The following ZNF609 variants were observed in gnomAD, a reference collection of about 807,000 sequenced individuals.
ZNF609 encodes the protein zinc finger protein 609.
ZNF609 carries 11 observed loss-of-function variants against 109.5 expected under a neutral mutation model. The observed-to-expected ratio is 0.10, with a 90% CI of 0.06 to 0.17. The LOEUF (loss-of-function observed/expected upper bound fraction) is 0.17. Ranked by LOEUF, ZNF609 falls within the 10% of genes least tolerant of loss-of-function variation. The pLI, the probability that ZNF609 is intolerant of heterozygous loss-of-function variation, is 1.00. For missense variants in ZNF609, 1,559 were observed against 1,772.4 expected, an observed-to-expected ratio of 0.88 and a Z score of 2.16; for synonymous variants, 646 against 662.0, an observed-to-expected ratio of 0.98 and a Z score of 0.37.
At position 64,546,648 on chromosome 15, in the gene ZNF609, T is replaced by A. The variant is rs182165636; in HGVS notation, c.747+46482T>A. Among the ~76,000 whole-genome samples the A allele has an allele frequency of 2.4e-3, 362 of 151,820 alleles. 1 individual carries two copies. Among genetic ancestry groups the A allele is most frequent in the African/African-American group, 8.4e-3 (346 of 41,402 alleles). ...CCACTATGCCCAGCTAATTTTTAAA[T>A]TTTTTTGTAGTGATGGGGTCTTCCT... is the stretch of plus-strand genomic sequence containing the variant. On this transcript the variant is annotated intron_variant, in intron 2 of 9. Coordinates refer to ENST00000326648, the MANE Select transcript of ZNF609 (RefSeq NM_015042.2).
intron 2 of ZNF609, among the ~76,000 whole-genome samples, chr15:64,527,269 CGTT>C (rs964625960): frequency 2.0e-5 from 3 of 148,302 alleles, no homozygotes; most frequent in Admixed American, 6.8e-5. Context: ...CTATCTGAGT[CGTT>C]GTCGTCAGAT....
chr15:64,468,312 C>T (rs546656079), intron 1 of ZNF609, among the ~76,000 whole-genome samples: 2 of 151,382 alleles, frequency 1.3e-5, no homozygotes, highest in East Asian at 3.9e-4. Flanking sequence ...CCTCTCTCCT[C>T]CTCCTTCTGC....
chr15:64,604,517 A>AG (rs1362443703), intron 2 of ZNF609, among the ~76,000 whole-genome samples: 1 of 152,242 alleles, frequency 6.6e-6, no homozygotes, highest in African/African-American at 2.4e-5. Flanking sequence ...GCTAGGATAG[A>AG]GGTGGTATAC....
chr15:64,610,826 A>T (rs982495358), intron 2 of ZNF609, among the ~76,000 whole-genome samples: 5 of 152,120 alleles, frequency 3.3e-5, no homozygotes, highest in African/African-American at 1.2e-4. Flanking sequence ...ATGAATAATG[A>T]TTCATTAGTT....
chr15:64,616,025 C>CT (rs916761184), intron 2 of ZNF609, among the ~76,000 whole-genome samples: 6 of 151,244 alleles, frequency 4.0e-5, no homozygotes, highest in African/African-American at 1.2e-4. Flanking sequence ...CAATGAATTT[C>CT]TTTTTTTTTC....
At chr15:64,475,228 C>T (rs1555413801) in intron 1 of ZNF609, among the ~76,000 whole-genome samples, 1 of 149,864 alleles carries the variant, frequency 6.7e-6, no homozygotes, top group Non-Finnish European at 1.5e-5. Flanking sequence ...GGACAGTTAA[C>T]TCCCAAATCT....
intron 2 of ZNF609, among the ~76,000 whole-genome samples, chr15:64,618,565 A>T (rs1163154234): frequency 6.6e-6 from 1 of 151,924 alleles, no homozygotes; most frequent in Non-Finnish European, 1.5e-5. Flanking sequence ...GGGCTTGGAG[A>T]ATGAGTGTAA....
At chr15:64,579,083 A>G (rs1440212349) in intron 2 of ZNF609, among the ~76,000 whole-genome samples, 2 of 151,638 alleles carry the variant, frequency 1.3e-5, no homozygotes, top group African/African-American at 4.9e-5. Context: ...AACAAAAAAG[A>G]TTTGCATCTA....
intron 2 of ZNF609, among the ~76,000 whole-genome samples, chr15:64,610,846 A>G (rs997446825): frequency 6.6e-6 from 1 of 152,094 alleles, no homozygotes; most frequent in African/African-American, 2.4e-5. Flanking sequence ...TCTTGAGTAC[A>G]GTTTGGTCCA....
At chr15:64,490,073 C>G (rs1566996587) in intron 1 of ZNF609, among the ~76,000 whole-genome samples, 1 of 152,134 alleles carries the variant, frequency 6.6e-6, no homozygotes, top group Admixed American at 6.6e-5. Context: ...ATAATCCCAT[C>G]TCAGCCTACC....
chr15:64,634,298 A>G (rs942096428), intron 3 of ZNF609, among the ~76,000 whole-genome samples: 5 of 152,074 alleles, frequency 3.3e-5, no homozygotes, highest in African/African-American at 1.2e-4. Flanking sequence ...TCATTATCAG[A>G]GTAATAGGCT....
rs888130522 is a variant in ZNF609, at chr15:64,555,073, G to A, written c.747+54907G>A. Reference sequence around the variant, plus strand: ...ATCACGCCATTGCACTCCAACCTGAGCAACAGAACAAGACACCATCTCAAA... The same window carrying A: ...ATCACGCCATTGCACTCCAACCTGAACAACAGAACAAGACACCATCTCAAA... On this transcript the variant is annotated intron_variant, in intron 2 of 9. Transcript: ENST00000326648. 2.8e-4 allele frequency among the ~76,000 whole-genome samples: 41 copies of A among 146,428 alleles called. 1 individual carries two copies. Among genetic ancestry groups the A allele is most frequent in the African/African-American group, 1.0e-3 (41 of 39,790 alleles).
intron 2 of ZNF609, among the ~76,000 whole-genome samples, chr15:64,592,826 T>C (rs1895324196): frequency 6.6e-6 from 1 of 150,396 alleles, no homozygotes; most frequent in Non-Finnish European, 1.5e-5. Flanking sequence ...GGCAGGAGAA[T>C]TGCTTGAATC....
chr15:64,547,959 C>T (rs1894395790), intron 2 of ZNF609, among the ~76,000 whole-genome samples: 1 of 152,124 alleles, frequency 6.6e-6, no homozygotes, highest in Admixed American at 6.5e-5. Flanking sequence ...GGAAAGTCAT[C>T]ATAAACCAAA....
rs765867083 is a variant in ZNF609, at chr15:64,674,272, G to T, written c.1418G>T (p.Gly473Val). 2 of 1,614,128 alleles carry T rather than the reference G, an allele frequency of 1.2e-6. No individual in the cohort carries two copies. Among genetic ancestry groups the T allele is most frequent in the African/African-American group, 1.3e-5 (1 of 75,012 alleles). ...ACTAATTCCATGGGCTCAGCCACTG[G>T]CCCCCTTCCTGGGACAAAGGTAGAA... ...VRTNSMGSAT[G>V]PLPGTKVEPT... Residue 473 changes from glycine (G) to valine (V), a missense_variant, in exon 5 of 10, where the codon GGC becomes GTC. By Grantham distance (109) the Gly-to-Val change is moderately radical (BLOSUM62 -3). Transcript: ENST00000326648.
chr15:64,611,857 C>T (rs1242168397), intron 2 of ZNF609, among the ~76,000 whole-genome samples: 2 of 151,456 alleles, frequency 1.3e-5, no homozygotes, highest in Admixed American at 6.6e-5. Flanking sequence ...CTCAGCCTCC[C>T]GAGTAGCTGA....
Position 64,499,798 on chromosome 15 carries a change from G to A in ZNF609, c.379G>A (p.Asp127Asn). 6.2e-7 allele frequency: 1 copy of A among 1,614,134 alleles called. No individual in the cohort carries two copies. Among genetic ancestry groups the A allele is most frequent in the Non-Finnish European group, 8.5e-7 (1 of 1,180,026 alleles). The change falls in exon 2 of 10, where the codon GAT becomes AAT. Residue 127 changes from aspartate to asparagine, a missense_variant. Physicochemically the swap from Asp to Asn is conservative, Grantham distance 23. This residue lies in a region of ZNF609 where 291 missense variants were observed against 317.8 expected (regional missense o/e 0.92). Coordinates refer to ENST00000326648, the MANE Select transcript of ZNF609 (RefSeq NM_015042.2). Reference sequence around the variant, plus strand: ...GAAAGAGGTGCAGGGGCGCTCAGGAGATGGTGCCAATGCTGGAGGCCTGGT... The same window carrying A: ...GAAAGAGGTGCAGGGGCGCTCAGGAAATGGTGCCAATGCTGGAGGCCTGGT... ...SKKEVQGRSG[D>N]GANAGGLVAA...
Position 64,511,481 on chromosome 15 carries a change from CAAAAAA to C in ZNF609, c.747+11328_747+11333del, listed in dbSNP as rs796464007. Among the ~76,000 whole-genome samples the C allele has an allele frequency of 8.9e-3, 577 of 65,172 alleles. 9 individuals are homozygous for C. Among genetic ancestry groups the C allele is most frequent in the African/African-American group, 0.028 (564 of 20,014 alleles). 42.8% of individuals were successfully genotyped at this position (65,172 alleles called of 152,430 possible). ...GGGCAACAAGAGTGAAACTTTGTCT[CAAAAAA>C]AAAAAAAAAAAAGGAGGTATATATA... On this transcript the variant is annotated intron_variant, in intron 2 of 9. Coordinates refer to ENST00000326648, the MANE Select transcript of ZNF609 (RefSeq NM_015042.2).
chr15:64,567,405 C>G (rs1276211686), intron 2 of ZNF609, among the ~76,000 whole-genome samples: 1 of 151,568 alleles, frequency 6.6e-6, no homozygotes, highest in Non-Finnish European at 1.5e-5. Flanking sequence ...TCGTTTGAAC[C>G]CGGGAGGTGG....
Sources: allele counts gnomAD v4.1 joint callset (sites outside exome capture counted in the v4.1 genomes callset), GRCh38; gene constraint gnomAD v4.1.1; regional missense constraint gnomAD v4.1.1; transcripts MANE v1.5; gene names NCBI Gene and HGNC (gene_info 2026-07-23, HGNC 2026-07-21).